LRRC66: variants seen among roughly 807,000 people sequenced by gnomAD.
The protein encoded by LRRC66 is leucine-rich repeat-containing protein 66.
A neutral mutation model predicts 24.6 loss-of-function variants in LRRC66; 29 were observed. That is an observed-to-expected ratio of 1.18 (90% confidence interval 0.88 to 1.61). The LOEUF (loss-of-function observed/expected upper bound fraction) is 1.61, where lower values mean the gene tolerates loss of function less well. LRRC66 is among the 40% of genes most tolerant of loss of function. The probability of loss-of-function intolerance (pLI) is 0.00; values close to 1 mark genes in which losing one functional copy is unlikely to be tolerated. For missense variants in LRRC66, 1,124 were observed against 1,058.0 expected (o/e 1.06, Z -0.87); for synonymous variants, 411 against 397.6 (o/e 1.03, Z -0.40).
In LRRC66 at chr4:51,993,743, T is replaced by C. The variant is rs1313958087; in HGVS notation, c.*636A>G. The C allele has an allele frequency of 1.3e-5, 2 of 152,236 alleles. No individual in the cohort carries two copies. Among genetic ancestry groups the C allele is most frequent in the Non-Finnish European group, 2.9e-5 (2 of 68,048 alleles). 9.4% of individuals were successfully genotyped at this position (152,236 alleles called of 1,614,324 possible). A position where few individuals can be genotyped will look rare whatever the true frequency, so the allele number is the denominator to read the frequency against. ...AAACATTTATATTTACTCAGAACTT[T>C]TCCAATTTTGCAGTTTCACGATCAG... On this transcript the variant is annotated 3_prime_UTR_variant, in exon 5 of 5. Coordinates refer to ENST00000682860, the MANE Select transcript of LRRC66 (RefSeq NM_001024611.3).
chr4:52,018,799 T>C (rs1578120537), intron 1 of LRRC66, among the ~76,000 whole-genome samples: 1 of 152,334 alleles, frequency 6.6e-6, no homozygotes, highest in Non-Finnish European at 1.5e-5. Context: ...ATGTGGCTTC[T>C]GCAAAGAATG....
chr4:51,994,949 A>G lies in LRRC66; in HGVS notation c.2073T>C (p.Thr691=). The change falls in exon 5 of 5, where the codon ACT becomes ACC. Residue 691 remains threonine, a synonymous_variant. Transcript: ENST00000682860. The part of the protein sequence containing the change: ...PANKEPVQKS[T]PSDTCCELES... Reference sequence around the variant, plus strand: ...CCAACTCACAGCAAGTGTCAGAAGGAGTGGATTTCTGCACTGGTTCCTTGT... The same window carrying G: ...CCAACTCACAGCAAGTGTCAGAAGGGGTGGATTTCTGCACTGGTTCCTTGT... 1.2e-6 allele frequency: 2 copies of G among 1,614,134 alleles called. No homozygotes were observed. Among genetic ancestry groups the G allele is most frequent in the Non-Finnish European group, 1.7e-6 (2 of 1,180,034 alleles).
chr4:52,008,892 C>CA (rs1311289667), intron 2 of LRRC66, among the ~76,000 whole-genome samples: 1 of 151,894 alleles, frequency 6.6e-6, no homozygotes, highest in East Asian at 1.9e-4. Context: ...TTAAAAGCAA[C>CA]ATTGTGAAGC....
At chr4:52,005,666 G>A (rs1480039788) in intron 2 of LRRC66, among the ~76,000 whole-genome samples, 1 of 149,180 alleles carries the variant, frequency 6.7e-6, no homozygotes, top group Non-Finnish European at 1.5e-5. Context: ...TTGAATGAGA[G>A]AGAACTAAGG....
intron 3 of LRRC66, among the ~76,000 whole-genome samples, chr4:51,999,274 C>A (rs1299720060): frequency 6.6e-6 from 1 of 152,162 alleles, no homozygotes; most frequent in Admixed American, 6.5e-5. Flanking sequence ...TTTATAGACA[C>A]CCGTGAAAAA....
chr4:52,018,001 A>G, intron 1 of LRRC66: 9 of 985,452 alleles, frequency 9.1e-6, no homozygotes, highest in Non-Finnish European at 1.1e-5. Flanking sequence ...AGCAAAGTCT[A>G]TTATGCTTAT....
chr4:51,996,670 CGTTT>C (rs1022384351), intron 4 of LRRC66, among the ~76,000 whole-genome samples: 3 of 152,134 alleles, frequency 2.0e-5, no homozygotes, highest in Non-Finnish European at 4.4e-5. Context: ...TTCATTCATT[CGTTT>C]TTGTTTAATG....
Position 51,995,013 on chromosome 4 carries a change from G to A in LRRC66, c.2009C>T (p.Pro670Leu). ...ATCCAGGCCACTGTCCCATCTTGGA[G>A]GAAAGACTGATGGGCCTGTGTCTCT... ...DPRDTGPSVF[P>L]PRWDSGLDVT... Residue 670 changes from proline (P) to leucine (L), a missense_variant, in exon 5 of 5, where the codon CCT (proline) becomes CTT (leucine). Physicochemically the swap from Pro to Leu is moderately conservative, Grantham distance 98. Coordinates refer to ENST00000682860, the MANE Select transcript of LRRC66 (RefSeq NM_001024611.3). 1.2e-6 allele frequency: 2 copies of A among 1,614,094 alleles called. No individual in the cohort carries two copies. Among genetic ancestry groups the A allele is most frequent in the Non-Finnish European group, 1.7e-6 (2 of 1,180,026 alleles).
intron 4 of LRRC66, 66 bp downstream of exon 4, chr4:51,997,682 A>G: frequency 7.0e-7 from 1 of 1,422,034 alleles, no homozygotes; most frequent in South Asian, 1.3e-5. Flanking sequence ...TTTCAAAAAG[A>G]CTAAAATGTC....
At chr4:51,996,186 A>T (rs751671725) in intron 4 of LRRC66, 21 bp from the exon 5 acceptor site, 3 of 1,538,104 alleles carry the variant, frequency 2.0e-6, no homozygotes, top group Middle Eastern at 1.7e-4. Flanking sequence ...GATTAAAAAA[A>T]TACACATTGA....
At chr4:52,005,075 T>C (rs1361464335) in intron 2 of LRRC66, among the ~76,000 whole-genome samples, 6 of 152,232 alleles carry the variant, frequency 3.9e-5, no homozygotes, top group Non-Finnish European at 8.8e-5. Flanking sequence ...TTCACATCTT[T>C]GAATTTTTGC....
chr4:52,017,588 AT>A lies in LRRC66; in HGVS notation c.25del (p.Ile9LeufsTer3), dbSNP rs1429564845. ...AAAATAAAGACCTATAACTATGGTAATGACTCTGAAATAGAGGTTTTTCATA... is the reference window on the plus strand; with the variant it reads ...AAAATAAAGACCTATAACTATGGTAAGACTCTGAAATAGAGGTTTTTCATA... MKNLYFRV[I>X]TIVIGLYFTG... On this transcript the variant is annotated frameshift_variant, in exon 2 of 5. Coordinates refer to ENST00000682860, the MANE Select transcript of LRRC66 (RefSeq NM_001024611.3). LOFTEE classifies it high-confidence loss of function. 35 of 1,586,484 alleles carry A rather than the reference AT, an allele frequency of 2.2e-5. No homozygotes were observed. Among genetic ancestry groups the A allele is most frequent in the Non-Finnish European group, 3.0e-5 (35 of 1,171,458 alleles).
chr4:52,001,715 A>C lies in LRRC66; in HGVS notation c.666+1508T>G, dbSNP rs552724137. ...GCCGAGGCTAGGTTTAAGCCCAGGCAGCTGGCTCAAGGCCACGCTCCCCAT... is the reference window on the plus strand; with the variant it reads ...GCCGAGGCTAGGTTTAAGCCCAGGCCGCTGGCTCAAGGCCACGCTCCCCAT... On this transcript the variant is annotated intron_variant, in intron 3 of 4. Coordinates refer to ENST00000682860, the MANE Select transcript of LRRC66 (RefSeq NM_001024611.3). Among the ~76,000 whole-genome samples the C allele has an allele frequency of 3.9e-5, 6 of 152,364 alleles. No homozygotes were observed. In the East Asian group the frequency reaches 1.2e-3, roughly 29 times the overall value.
At chr4:52,017,651 A>G (rs770160796) in intron 1 of LRRC66, 33 bp from the exon 2 acceptor site, 11 of 1,478,764 alleles carry the variant, frequency 7.4e-6, no homozygotes, top group East Asian at 2.3e-5. Context: ...ACTTATTCAC[A>G]ATAATATATA....
intron 2 of LRRC66, among the ~76,000 whole-genome samples, chr4:52,004,065 C>A (rs1316497266): frequency 6.6e-6 from 1 of 152,074 alleles, no homozygotes; most frequent in Non-Finnish European, 1.5e-5. Flanking sequence ...TGCAGTGGTA[C>A]AATCCCCACT....
intron 2 of LRRC66, among the ~76,000 whole-genome samples, chr4:52,010,306 T>A (rs2110200716): frequency 6.6e-6 from 1 of 152,336 alleles, no homozygotes; most frequent in Non-Finnish European, 1.5e-5. Flanking sequence ...AAATTTTTTC[T>A]TTTTGTCTTA....
At position 51,995,979 on chromosome 4, in the gene LRRC66, T is replaced by C. The variant is rs2110190934; in HGVS notation, c.1043A>G (p.Lys348Arg). The C allele has an allele frequency of 6.2e-7, 1 of 1,613,966 alleles. No individual in the cohort carries two copies. Among genetic ancestry groups the C allele is most frequent in the Non-Finnish European group, 8.5e-7 (1 of 1,179,948 alleles). The stretch of plus-strand genomic sequence containing the variant: ...AACACTCCTTGGCAGCCGTCTCTGC[T>C]TCTTCCTGAGACCAGAGCCGGCCTT... ...KAKAGSGLRKKQRRLPRSVRS... is the reference protein window; with the variant it reads ...KAKAGSGLRKRQRRLPRSVRS... Residue 348 changes from lysine (K) to arginine (R), a missense_variant, in exon 5 of 5, where the codon AAG becomes AGG. Lys to Arg is a conservative substitution (Grantham distance 26). Coordinates refer to ENST00000682860, the MANE Select transcript of LRRC66 (RefSeq NM_001024611.3).
At chr4:52,003,196 C>A in intron 3 of LRRC66, 27 bp downstream of exon 3, 2 of 1,572,020 alleles carry the variant, frequency 1.3e-6, no homozygotes, top group South Asian at 2.3e-5. Context: ...CTTCCTTATT[C>A]AAATATTATA....
At position 51,995,048 on chromosome 4, in the gene LRRC66, G is replaced by A. The variant is rs1736262680; in HGVS notation, c.1974C>T (p.Tyr658=). The A allele has an allele frequency of 1.9e-6, 3 of 1,614,112 alleles. No individual in the cohort carries two copies. Among genetic ancestry groups the A allele is most frequent in the South Asian group, 1.1e-5 (1 of 91,080 alleles). Residue 658 remains tyrosine (Y), a synonymous_variant, in exon 5 of 5, where the codon TAC becomes TAT. Transcript: ENST00000682860. ...ATGGGCCTGTGTCTCTTGGGTCACC[G>A]TATGGAACCTCGCTGTAGTGGGCTG... The part of the protein sequence containing the change: ...ALSAHYSEVP[Y]GDPRDTGPSV...
Sources: allele counts gnomAD v4.1 joint callset (sites outside exome capture counted in the v4.1 genomes callset), GRCh38; gene constraint gnomAD v4.1.1; transcripts MANE v1.5; gene names NCBI Gene and HGNC (gene_info 2026-07-23, HGNC 2026-07-21).